The following POLR1F variants were observed in gnomAD, a reference collection of about 807,000 sequenced individuals.
POLR1F encodes DNA-directed RNA polymerase I subunit RPA43.
A neutral mutation model predicts 21.8 loss-of-function variants in POLR1F; 23 were observed. That is an observed-to-expected ratio of 1.05 (90% CI 0.76 to 1.49). The LOEUF is 1.49. POLR1F is among the 40% of genes most tolerant of loss of function. The pLI is 0.00. For missense variants in POLR1F, 435 were observed against 412.1 expected (o/e 1.06, Z -0.48); for synonymous variants, 162 against 152.8 (o/e 1.06, Z -0.45).
intron 3 of POLR1F, 31 bp downstream of exon 3, chr7:19,700,041 C>A (rs780310251): frequency 6.6e-6 from 10 of 1,521,514 alleles, no homozygotes; most frequent in Non-Finnish European, 9.1e-6. Flanking sequence ...AAATTAAGTA[C>A]CTAGTGATAA....
intron 2 of POLR1F, among the ~76,000 whole-genome samples, chr7:19,703,859 G>A (rs2128006744): frequency 6.6e-6 from 1 of 152,260 alleles, no homozygotes; most frequent in African/African-American, 2.4e-5. Context: ...TTCCCAAAAT[G>A]CTGTGATTGT....
In POLR1F at chr7:19,698,409, CT is replaced by C. The variant is rs771428489; in HGVS notation, c.923del (p.Lys308ArgfsTer18). ...DSSGYQSDHKKKKKKRKHSEE... is the reference protein window; with the variant it reads ...DSSGYQSDHKXKKKKRKHSEE... Reference sequence around the variant, plus strand: ...CACTGTGTTTTCTTTTCTTTTTTTTCTTTTTATGGTCACTTTGGTAACCACT... The same window carrying C: ...CACTGTGTTTTCTTTTCTTTTTTTTCTTTTATGGTCACTTTGGTAACCACT... On this transcript the variant is annotated frameshift_variant, in exon 4 of 4. Transcript: ENST00000222567. LOFTEE classifies it high-confidence loss of function. 704 of 1,601,762 alleles carry C rather than the reference CT, an allele frequency of 4.4e-4. 1 individual carries two copies. Among genetic ancestry groups the C allele is most frequent in the Non-Finnish European group, 5.4e-4 (631 of 1,175,768 alleles).
At position 19,697,206 on chromosome 7, in the gene POLR1F, C is replaced by T. The variant is rs1783379468; in HGVS notation, c.*1110G>A. 6.6e-6 allele frequency: 1 copy of T among 151,892 alleles called. No homozygotes were observed. Among genetic ancestry groups the T allele is most frequent in the Non-Finnish European group, 1.5e-5 (1 of 67,890 alleles). 9.4% of individuals were successfully genotyped at this position (151,892 alleles called of 1,614,324 possible). ...ACAATCCTCCCCCTTTTTTTCATAC[C>T]ACTTAATACAATTATTAATTTTCTT... On this transcript the variant is annotated 3_prime_UTR_variant, in exon 4 of 4. Coordinates refer to ENST00000222567, the MANE Select transcript of POLR1F (RefSeq NM_001002926.2).
chr7:19,698,619 A>G lies in POLR1F; in HGVS notation c.714T>C (p.Tyr238=), dbSNP rs187171103. 398 of 1,611,734 alleles carry G rather than the reference A, an allele frequency of 2.5e-4. No homozygotes were observed. Among genetic ancestry groups the G allele is most frequent in the Admixed American group, 7.6e-4 (45 of 59,308 alleles). The change falls in exon 4 of 4, where the codon TAT becomes TAC. Residue 238 remains tyrosine (Y), a synonymous_variant. Coordinates refer to ENST00000222567, the MANE Select transcript of POLR1F (RefSeq NM_001002926.2). Reference sequence around the variant, plus strand: ...GCTTTGTGGTACCACTGTCCACTTCATATGTCTCTGGGTCTTTCTTCTTTT... The same window carrying G: ...GCTTTGTGGTACCACTGTCCACTTCGTATGTCTCTGGGTCTTTCTTCTTTT... ...KKKKKKDPET[Y]EVDSGTTKLA...
Position 19,704,861 on chromosome 7 carries a change from A to C in POLR1F, c.314T>G (p.Ile105Ser). 6.2e-7 allele frequency: 1 copy of C among 1,608,622 alleles called. No individual in the cohort carries two copies. The highest frequency in any genetic ancestry group is 8.5e-7 in the Non-Finnish European group (1 of 1,177,958). ...NIKVVGELGD[I>S]YDDQGHIHLN... Reference sequence around the variant, plus strand: ...ATGAATGTGTCCTTGATCATCATAAATATCTCCAAGCTCTCCCACAACTTT... The same window carrying C: ...ATGAATGTGTCCTTGATCATCATAACTATCTCCAAGCTCTCCCACAACTTT... Residue 105 changes from isoleucine (I) to serine (S), a missense_variant, in exon 2 of 4, where the codon ATT becomes AGT. Transcript: ENST00000222567.
chr7:19,708,849 G>T lies in POLR1F; in HGVS notation c.168C>A (p.His56Gln), dbSNP rs915915065. The change falls in exon 1 of 4, where the codon CAC becomes CAA. Residue 56 changes from histidine to glutamine, a missense_variant. Physicochemically the swap from His to Gln is conservative, Grantham distance 24. Transcript: ENST00000222567. ...TAAGGTAGCGGGGCGACAGCGCGAT[G>T]TGCCTTTGGTGCGGCCCGGCCACCA... ...SCLVAGPHQR[H>Q]IALSPRYLNR... The T allele has an allele frequency of 6.2e-7, 1 of 1,614,116 alleles. No homozygotes were observed. The highest frequency in any genetic ancestry group is 1.7e-5 in the Admixed American group (1 of 60,016).
intron 2 of POLR1F, among the ~76,000 whole-genome samples, chr7:19,703,729 G>A (rs1583402383): frequency 1.3e-5 from 2 of 151,998 alleles, no homozygotes; most frequent in Non-Finnish European, 2.9e-5. Flanking sequence ...TGAGTAACTG[G>A]GACTACAGAT....
intron 2 of POLR1F, among the ~76,000 whole-genome samples, chr7:19,700,814 G>A (rs1157465101): frequency 6.6e-6 from 1 of 152,166 alleles, no homozygotes; most frequent in African/African-American, 2.4e-5. Context: ...TCCATTAGAA[G>A]ACAGCTTACC....
chr7:19,704,755 G>C, intron 2 of POLR1F, 24 bp downstream of exon 2: 1 of 1,565,566 alleles, frequency 6.4e-7, no homozygotes, highest in African/African-American at 1.4e-5. Flanking sequence ...TACAAAGGGA[G>C]CTAGAAAAAA....
intron 2 of POLR1F, among the ~76,000 whole-genome samples, chr7:19,702,477 G>A (rs1014179229): frequency 5.9e-5 from 9 of 152,272 alleles, no homozygotes; most frequent in Middle Eastern, 3.4e-3. Context: ...TGTAGAAGTC[G>A]ACAGAACAGT....
Position 19,704,767 on chromosome 7 carries a change from TG to T in POLR1F, c.396+11del. On this transcript the variant is annotated intron_variant, in intron 2 of 3. Transcript: ENST00000222567. ...TTATACAAAGGGAGCTAGAAAAAAG[TG>T]ATACACATACCATAAGCTTCTGCCC... 1 of 1,578,274 alleles carries T rather than the reference TG, an allele frequency of 6.3e-7. No homozygotes were observed. The highest frequency in any genetic ancestry group is 8.5e-7 in the Non-Finnish European group (1 of 1,170,200).
intron 2 of POLR1F, 129 bp from the exon 3 acceptor site, chr7:19,700,409 T>C (rs1783433442): frequency 2.8e-6 from 2 of 704,848 alleles, no homozygotes; most frequent in Non-Finnish European, 4.7e-6. Flanking sequence ...TAATTTAATA[T>C]GGAAAAAGTT....
At chr7:19,706,685 T>C (rs1046864827) in intron 1 of POLR1F, among the ~76,000 whole-genome samples, 4 of 152,218 alleles carry the variant, frequency 2.6e-5, no homozygotes, top group Non-Finnish European at 5.9e-5. Context: ...TTTTAATATA[T>C]ATTAAAATTT....
intron 3 of POLR1F, among the ~76,000 whole-genome samples, chr7:19,699,205 C>G (rs1192389004): frequency 6.6e-6 from 1 of 152,000 alleles, no homozygotes; most frequent in Non-Finnish European, 1.5e-5. Flanking sequence ...AATAATAGTC[C>G]ATTGTTCTAC....
rs189993971 is a variant in POLR1F at position 19,708,638 on chromosome 7, C to A, written c.254+125G>T. ...AGGGACGGATCGCGACTCTAGAAAT[C>A]CAGGGGGCTAAGCTCTGGGGGGCAA... On this transcript the variant is annotated intron_variant, in intron 1 of 3. Transcript: ENST00000222567. 228 of 1,363,334 alleles carry A rather than the reference C, an allele frequency of 1.7e-4. 1 individual carries two copies. The East Asian group carries it at 4.4e-3, about 26-fold the overall frequency. The allele number at this position is 1,363,334 out of a possible 1,614,324, so 84.5% of individuals were successfully genotyped here.
At chr7:19,701,565 G>C (rs142320549) in intron 2 of POLR1F, among the ~76,000 whole-genome samples, 25 of 152,334 alleles carry the variant, frequency 1.6e-4, no homozygotes, top group African/African-American at 5.8e-4. Context: ...AAGGCCAAAA[G>C]GTTACATAGC....
intron 1 of POLR1F, among the ~76,000 whole-genome samples, chr7:19,706,502 CA>C (rs1253774396): frequency 6.6e-6 from 1 of 152,142 alleles, no homozygotes; most frequent in Non-Finnish European, 1.5e-5. Flanking sequence ...ATGGTTATCA[CA>C]AACTTTGCAG....
chr7:19,699,501 C>T (rs1783422024), intron 3 of POLR1F, among the ~76,000 whole-genome samples: 1 of 152,166 alleles, frequency 6.6e-6, no homozygotes, highest in Non-Finnish European at 1.5e-5. Context: ...TCAACCCATA[C>T]TCTTGTAACT....
chr7:19,704,703 A>G, intron 2 of POLR1F, 76 bp downstream of exon 2: 1 of 1,332,658 alleles, frequency 7.5e-7, no homozygotes, highest in South Asian at 1.4e-5. Context: ...CAAGGTATAT[A>G]TTATCTCTTA....
Sources: gnomAD v4.1 joint callset for allele counts (sites outside exome capture counted in the v4.1 genomes callset) on GRCh38, gnomAD v4.1.1 for gene constraint, MANE v1.5 for transcripts, NCBI Gene and HGNC (gene_info 2026-07-23, HGNC 2026-07-21) for gene names.